DOCK7: variants seen among roughly 807,000 people sequenced by gnomAD.
DOCK7 encodes dedicator of cytokinesis 7.
A neutral mutation model predicts 271.0 loss-of-function variants in DOCK7; 138 were observed. That is an observed-to-expected ratio of 0.51 (90% CI 0.44 to 0.59). The LOEUF is 0.59. Ranked by LOEUF, DOCK7 falls within the 20% of genes least tolerant of loss-of-function variation. DOCK7 has a pLI of 0.00. For synonymous variants in DOCK7, 823 were observed against 876.1 expected (o/e 0.94, Z 1.07); for missense variants, 2,066 against 2,592.4 (o/e 0.80, Z 4.41).
At chr1:62,465,583 GCT>G (rs1645653364) in intron 48 of DOCK7, among the ~76,000 whole-genome samples, 1 of 152,086 alleles carries the variant, frequency 6.6e-6, no homozygotes, top group African/African-American at 2.4e-5. Flanking sequence ...ATGGAGTCTT[GCT>G]CTGTTACCCA....
intron 14 of DOCK7, chr1:62,605,470 G>A (rs1650851088): frequency 6.6e-6 from 1 of 152,562 alleles, no homozygotes; most frequent in African/African-American, 2.4e-5. Context: ...TGACTACTAA[G>A]TCACATTGAC....
intron 33 of DOCK7, among the ~76,000 whole-genome samples, chr1:62,512,915 A>C (rs531613672): frequency 2.2e-5 from 3 of 134,636 alleles, no homozygotes; most frequent in Non-Finnish European, 4.6e-5. Context: ...TGTCTCAACT[A>C]AAAAAAAAAA....
At chr1:62,508,200 A>T (rs1349994317) in intron 34 of DOCK7, 142 bp from the exon 35 acceptor site, 6 of 742,826 alleles carry the variant, frequency 8.1e-6, no homozygotes, top group Admixed American at 3.5e-5. Flanking sequence ...ATAAGAAAAA[A>T]GGCAGTAGTT....
chr1:62,634,711 A>G, intron 9 of DOCK7, 62 bp downstream of exon 9: 1 of 1,499,176 alleles, frequency 6.7e-7, no homozygotes, highest in Non-Finnish European at 9.0e-7. Context: ...AAAGTTTATA[A>G]TACTGACAGA....
In DOCK7 at chr1:62,559,170, G is replaced by A. The variant is rs201252647; in HGVS notation, c.2250C>T (p.His750=). 146 of 1,613,692 alleles carry A rather than the reference G, an allele frequency of 9.0e-5. No homozygotes were observed. The highest frequency in any genetic ancestry group is 1.2e-4 in the Non-Finnish European group (143 of 1,179,846). Residue 750 remains histidine, a synonymous_variant, in exon 20 of 50, where the codon CAC becomes CAT. Coordinates refer to ENST00000635253, the MANE Select transcript of DOCK7 (RefSeq NM_001367561.1). ...TGTCCCCAATTCGGACTGGGAACAG[G>A]TGTTCATCCAGAGCATTGACCAGAG... ...FFALVNALDE[H]LFPVRIGDMR... is the part of the protein sequence containing the mutation.
chr1:62,496,556 T>C (rs1327058438), intron 37 of DOCK7, 59 bp from the exon 38 acceptor site: 2 of 1,476,320 alleles, frequency 1.4e-6, no homozygotes, highest in African/African-American at 1.4e-5. Context: ...AAAAGTCTGC[T>C]ATTTTTCCTT....
At chr1:62,534,477 T>C (rs972016648) in intron 29 of DOCK7, among the ~76,000 whole-genome samples, 1 of 150,906 alleles carries the variant, frequency 6.6e-6, no homozygotes, top group Non-Finnish European at 1.5e-5. Flanking sequence ...TAGCCGGGAG[T>C]GGTGGCACGC....
intron 21 of DOCK7, among the ~76,000 whole-genome samples, chr1:62,553,563 G>A (rs1571519671): frequency 1.3e-5 from 2 of 149,162 alleles, no homozygotes; most frequent in South Asian, 4.2e-4. Context: ...TTGTAGAGAC[G>A]GGGTCTTGCT....
At chr1:62,519,004 T>TAC (rs1038125495) in intron 31 of DOCK7, among the ~76,000 whole-genome samples, 1 of 30,016 alleles carries the variant, frequency 3.3e-5, no homozygotes, top group Non-Finnish European at 6.6e-5. Flanking sequence ...AAAGTCATGC[T>TAC]ATACACACAC....
At chr1:62,521,565 G>GTT (rs1644851645) in intron 31 of DOCK7, among the ~76,000 whole-genome samples, 1 of 152,108 alleles carries the variant, frequency 6.6e-6, no homozygotes, top group African/African-American at 2.4e-5. Flanking sequence ...GTAGAAAAAA[G>GTT]TTTACATCTA....
chr1:62,502,709 C>G (rs1646819197), intron 37 of DOCK7, among the ~76,000 whole-genome samples: 1 of 152,082 alleles, frequency 6.6e-6, no homozygotes, highest in Non-Finnish European at 1.5e-5. Context: ...AACACTACAT[C>G]CCCAAAACAA....
chr1:62,620,705 CCT>C (rs1653083142), intron 12 of DOCK7, among the ~76,000 whole-genome samples: 1 of 151,458 alleles, frequency 6.6e-6, no homozygotes, highest in African/African-American at 2.4e-5. Flanking sequence ...ACAGTGAAAC[CCT>C]GTCTCTACTA....
At chr1:62,626,867 G>A (rs1232762690) in intron 11 of DOCK7, among the ~76,000 whole-genome samples, 1 of 152,068 alleles carries the variant, frequency 6.6e-6, no homozygotes, top group Non-Finnish European at 1.5e-5. Context: ...AAAATGGAAG[G>A]AACACTTCAC....
intron 4 of DOCK7, 138 bp downstream of exon 4, chr1:62,653,587 C>A: frequency 1.6e-6 from 1 of 617,270 alleles, no homozygotes. Flanking sequence ...AATATCTATA[C>A]ACAAAAGTTC....
intron 20 of DOCK7, among the ~76,000 whole-genome samples, chr1:62,558,331 C>A (rs745553305): frequency 6.6e-6 from 1 of 152,048 alleles, no homozygotes; most frequent in Non-Finnish European, 1.5e-5. Context: ...TAAAAAAACT[C>A]AAATAATTGA....
chr1:62,687,110 A>G (rs1226326993), intron 1 of DOCK7, among the ~76,000 whole-genome samples: 1 of 152,190 alleles, frequency 6.6e-6, no homozygotes, highest in African/African-American at 2.4e-5. Flanking sequence ...CAGCAAACTA[A>G]AAAGACTCAG....
intron 18 of DOCK7, among the ~76,000 whole-genome samples, chr1:62,576,861 T>C (rs1646955939): frequency 6.6e-6 from 1 of 152,194 alleles, no homozygotes; most frequent in Non-Finnish European, 1.5e-5. Context: ...AAAAAGATTC[T>C]AAAAAATTAA....
In DOCK7 at chr1:62,493,524, C is replaced by T. The variant is rs927036429; in HGVS notation, c.5218-677G>A. On this transcript the variant is annotated intron_variant, in intron 40 of 49. Coordinates refer to ENST00000635253, the MANE Select transcript of DOCK7 (RefSeq NM_001367561.1). ...AGTTTTGGTTTCTTTTGAGTGAAAA[C>T]TTAAAAGATTATCAAATTATTCTAG... 2.0e-5 allele frequency among the ~76,000 whole-genome samples: 3 copies of T among 152,094 alleles called. No homozygotes were observed. In the South Asian group the frequency reaches 6.2e-4, roughly 32 times the overall value.
At chr1:62,559,315 T>A in intron 19 of DOCK7, 95 bp from the exon 20 acceptor site, 1 of 839,240 alleles carries the variant, frequency 1.2e-6, no homozygotes, top group Non-Finnish European at 1.8e-6. Context: ...TCATATTACT[T>A]GATAACACTA....
Sources: allele counts gnomAD v4.1 joint callset (sites outside exome capture counted in the v4.1 genomes callset), GRCh38; gene constraint gnomAD v4.1.1; transcripts MANE v1.5; gene names NCBI Gene and HGNC (gene_info 2026-07-23, HGNC 2026-07-21).